The following COL6A6 variants were observed in gnomAD, a reference collection of about 807,000 sequenced individuals.
The protein encoded by COL6A6 is collagen alpha-6(VI) chain.
A neutral mutation model predicts 208.6 loss-of-function variants in COL6A6; 183 were observed. The ratio of observed to expected loss-of-function variants is 0.88; its 90% CI spans 0.78 to 0.99. The LOEUF (loss-of-function observed/expected upper bound fraction) is 0.99, where lower values mean the gene tolerates loss of function less well. COL6A6 is among the 50% of genes least tolerant of loss of function. The probability of loss-of-function intolerance (pLI) is 0.00; values close to 1 mark genes in which losing one functional copy is unlikely to be tolerated. For missense variants in COL6A6, 2,816 were observed against 2,815.2 expected, an observed-to-expected ratio of 1.00 and a Z score of -0.01; for synonymous variants, 973 against 1,011.8, an observed-to-expected ratio of 0.96 and a Z score of 0.73.
Position 130,568,516 on chromosome 3 carries a change from G to A in COL6A6, c.2313G>A (p.Arg771=), listed in dbSNP as rs573547736. 5.0e-6 allele frequency: 8 copies of A among 1,613,098 alleles called. No individual in the cohort carries two copies. The highest frequency in any genetic ancestry group is 2.7e-5 in the African/African-American group (2 of 75,014). Residue 771 remains arginine (R), a synonymous_variant, in exon 6 of 37, where the codon AGG becomes AGA. Coordinates refer to ENST00000358511, the MANE Select transcript of COL6A6 (RefSeq NM_001102608.3). ...NVTQLEEISG[R]PEMVFYVENF... is the part of the protein sequence containing the mutation. ...CCCAGCTTGAGGAGATCAGTGGGAG[G>A]CCCGAGATGGTTTTTTATGTTGAGA...
At chr3:130,562,492 T>C (rs1287999779) in intron 2 of COL6A6, among the ~76,000 whole-genome samples, 1 of 152,164 alleles carries the variant, frequency 6.6e-6, no homozygotes, top group Non-Finnish European at 1.5e-5. Context: ...TATTCCATAT[T>C]TTTATGATTT....
chr3:130,612,472 T>C (rs769952482), intron 23 of COL6A6, among the ~76,000 whole-genome samples: 4 of 152,238 alleles, frequency 2.6e-5, no homozygotes, highest in Non-Finnish European at 4.4e-5. Context: ...ATAGCCATTC[T>C]GACTGTATCT....
intron 1 of COL6A6, among the ~76,000 whole-genome samples, chr3:130,537,306 G>A (rs114872336): frequency 0.012 from 1,823 of 152,196 alleles, 35 homozygotes; most frequent in African/African-American, 0.04. Flanking sequence ...AGTGGGTCTG[G>A]TACTCATCGG....
intron 1 of COL6A6, among the ~76,000 whole-genome samples, chr3:130,526,296 G>T (rs2061960526): frequency 6.6e-6 from 1 of 152,008 alleles, no homozygotes; most frequent in Admixed American, 6.6e-5. Context: ...ACACTTCCAA[G>T]CAGGAACAAC....
At chr3:130,521,871 C>G (rs1222537376) in intron 1 of COL6A6, among the ~76,000 whole-genome samples, 1 of 152,142 alleles carries the variant, frequency 6.6e-6, no homozygotes, top group Non-Finnish European at 1.5e-5. Flanking sequence ...CCAGAGGTAC[C>G]CAATGGAACC....
chr3:130,654,921 G>A (rs747689771), intron 33 of COL6A6, among the ~76,000 whole-genome samples: 1 of 152,160 alleles, frequency 6.6e-6, no homozygotes, highest in Non-Finnish European at 1.5e-5. Context: ...TCATAGGGGT[G>A]TGGAAAATGG....
At chr3:130,652,702 CTTTT>C (rs1265161333) in intron 33 of COL6A6, among the ~76,000 whole-genome samples, 1 of 152,222 alleles carries the variant, frequency 6.6e-6, no homozygotes, top group African/African-American at 2.4e-5. Context: ...CGCCTTCTTT[CTTTT>C]ATCCATTCTC....
At chr3:130,610,461 T>C (rs1201430291) in intron 22 of COL6A6, among the ~76,000 whole-genome samples, 188 bp from the exon 23 acceptor site, 1 of 152,158 alleles carries the variant, frequency 6.6e-6, no homozygotes, top group Non-Finnish European at 1.5e-5. Context: ...AATTTCAGAT[T>C]GGACATTCAT....
Position 130,661,931 on chromosome 3 carries a change from G to A in COL6A6, c.6125G>A (p.Arg2042His), listed in dbSNP as rs368469507. The stretch of plus-strand genomic sequence containing the variant: ...AATCTTACCACCTACAGAAGTAAGC[G>A]CCTCATGAAGAGGCATGTGCACGAG... ...EFNLTTYRSK[R>H]LMKRHVHESV... Residue 2042 changes from arginine to histidine, a missense_variant, in exon 35 of 37, where the codon CGC becomes CAC. Transcript: ENST00000358511. 1.7e-5 allele frequency: 28 copies of A among 1,613,842 alleles called. No individual in the cohort carries two copies. Among genetic ancestry groups the A allele is most frequent in the East Asian group, 8.9e-5 (4 of 44,902 alleles).
At chr3:130,573,828 C>G (rs1181904216) in intron 7 of COL6A6, 128 bp from the exon 8 acceptor site, 3 of 645,190 alleles carry the variant, frequency 4.6e-6, no homozygotes, top group Non-Finnish European at 8.0e-6. Context: ...CTCGGCCTCC[C>G]AAAGTGCTGG....
intron 28 of COL6A6, among the ~76,000 whole-genome samples, chr3:130,637,922 G>A (rs1167381614): frequency 6.6e-6 from 1 of 151,910 alleles, no homozygotes; most frequent in East Asian, 1.9e-4. Flanking sequence ...TTGTTGAGGG[G>A]CTGTCCTGTG....
rs142477312 is a variant in COL6A6 at position 130,527,168 on chromosome 3, G to C, written c.-32+9771G>C. Among the ~76,000 whole-genome samples the C allele has an allele frequency of 2.9e-3, 438 of 152,310 alleles. 1 individual carries two copies. The highest frequency in any genetic ancestry group is 9.9e-3 in the African/African-American group (412 of 41,566). On this transcript the variant is annotated intron_variant, in intron 1 of 36. Coordinates refer to ENST00000358511, the MANE Select transcript of COL6A6 (RefSeq NM_001102608.3). ...TCCTAATGGATAACTAGTCTGTTTA[G>C]CTTGGCACTCACGAATGGCAGTCAA...
chr3:130,546,596 G>A lies in COL6A6; in HGVS notation c.-31-13738G>A, dbSNP rs531268127. On this transcript the variant is annotated intron_variant, in intron 1 of 36. Coordinates refer to ENST00000358511, the MANE Select transcript of COL6A6 (RefSeq NM_001102608.3). ...TGATTGGCCCATTTTACAGAGAGCT[G>A]ATTGGTCCATTTTACAGAGAGCTAA... Among the ~76,000 whole-genome samples, 4 of 152,338 alleles carry A rather than the reference G, an allele frequency of 2.6e-5. No individual in the cohort carries two copies. In the South Asian group the frequency reaches 8.3e-4, roughly 32 times the overall value.
chr3:130,610,646 T>G lies in COL6A6; in HGVS notation c.4753-3T>G. 2 of 1,583,974 alleles carry G rather than the reference T, an allele frequency of 1.3e-6. No homozygotes were observed. The highest frequency in any genetic ancestry group is 1.7e-6 in the Non-Finnish European group (2 of 1,163,362). On this transcript the variant is annotated splice_polypyrimidine_tract_variant and splice_region_variant and intron_variant, in intron 22 of 36. Coordinates refer to ENST00000358511, the MANE Select transcript of COL6A6 (RefSeq NM_001102608.3). ...AAATAATGCTTTAATTCTATGTACT[T>G]AGGGCCCAAGAGGAGAGGCTGGTGT...
At chr3:130,583,159 T>A (rs1231583121) in intron 10 of COL6A6, among the ~76,000 whole-genome samples, 1 of 152,240 alleles carries the variant, frequency 6.6e-6, no homozygotes, top group African/African-American at 2.4e-5. Context: ...GACAGGACTT[T>A]GTCTTTTCTA....
chr3:130,603,363 G>T (rs2108158737), intron 20 of COL6A6, among the ~76,000 whole-genome samples: 1 of 152,286 alleles, frequency 6.6e-6, no homozygotes, highest in South Asian at 2.1e-4. Flanking sequence ...GGAAAGGGAG[G>T]GTACTAAATC....
At chr3:130,625,832 G>A (rs1191440152) in intron 24 of COL6A6, among the ~76,000 whole-genome samples, 1 of 152,202 alleles carries the variant, frequency 6.6e-6, no homozygotes, top group Non-Finnish European at 1.5e-5. Flanking sequence ...TGCAACTAGT[G>A]TAATGTAATG....
In COL6A6 at chr3:130,567,222, C is replaced by T. The variant is rs2063049143; in HGVS notation, c.1803C>T (p.Asp601=). ...YYVHDFDALK[D]IRNQVVQEIC... ...TGCATGACTTTGATGCATTGAAAGA[C>T]ATAAGAAACCAAGTTGTTCAAGAAA... Residue 601 remains aspartate (D), a synonymous_variant, in exon 5 of 37, where the codon GAC becomes GAT. Transcript: ENST00000358511. The T allele has an allele frequency of 6.2e-7, 1 of 1,612,232 alleles. No homozygotes were observed. Among genetic ancestry groups the T allele is most frequent in the African/African-American group, 1.3e-5 (1 of 74,888 alleles).
intron 35 of COL6A6, among the ~76,000 whole-genome samples, chr3:130,663,398 T>C (rs2065987538): frequency 6.6e-6 from 1 of 152,162 alleles, no homozygotes; most frequent in African/African-American, 2.4e-5. Context: ...ATGTATATTA[T>C]GGTTTGAGAA....
Sources: gnomAD v4.1 joint callset for allele counts (sites outside exome capture counted in the v4.1 genomes callset) on GRCh38, gnomAD v4.1.1 for gene constraint, MANE v1.5 for transcripts, NCBI Gene and HGNC (gene_info 2026-07-23, HGNC 2026-07-21) for gene names.